PDE4DIP: variants seen among roughly 807,000 people sequenced by gnomAD.
PDE4DIP encodes the protein phosphodiesterase 4D interacting protein.
PDE4DIP carries 59 observed loss-of-function variants against 221.4 expected under a neutral mutation model. That is an observed-to-expected ratio of 0.27 (90% CI 0.22 to 0.33). The LOEUF (loss-of-function observed/expected upper bound fraction) is 0.33, where lower values mean the gene tolerates loss of function less well. PDE4DIP is among the 10% of genes least tolerant of loss of function. PDE4DIP has a pLI of 1.00. For synonymous variants in PDE4DIP, 404 were observed against 815.9 expected, an observed-to-expected ratio of 0.50 and a Z score of 8.60; for missense variants, 1,036 against 2,154.2, an observed-to-expected ratio of 0.48 and a Z score of 10.28.
rs60915698 is a variant in PDE4DIP, at chr1:148,861,654, A to G, written c.234-1596A>G. On this transcript the variant is annotated intron_variant, in intron 1 of 45. Coordinates refer to the PDE4DIP transcript ENST00000524974. ...CTCTGTCTCAAAAAAAAAAAAAAAA[A>G]AGAGAGAAAGAGAGAAGTCCTCTAC... is the stretch of plus-strand genomic sequence containing the variant. Among the ~76,000 whole-genome samples, 9 of 118,920 alleles carry G rather than the reference A, an allele frequency of 7.6e-5. No individual in the cohort carries two copies. In the East Asian group the frequency reaches 8.8e-4, roughly 12 times the overall value. The allele number at this position is 118,920 out of a possible 152,430, so 78.0% of individuals were successfully genotyped here.
chr1:148,961,294 A>G (rs1217969892), intron 6 of PDE4DIP, among the ~76,000 whole-genome samples: 4 of 152,200 alleles, frequency 2.6e-5, no homozygotes, highest in African/African-American at 7.2e-5. Context: ...GGCAACAGAG[A>G]GAGACTCTGT....
chr1:148,889,217 G>T (rs587681142), upstream of PDE4DIP, among the ~76,000 whole-genome samples: 295 of 151,696 alleles, frequency 1.9e-3, 4 homozygotes, highest in African/African-American at 6.6e-3. Flanking sequence ...CTTATTTCTT[G>T]CTTCTGGCCA....
intron 30 of PDE4DIP, 63 bp downstream of exon 33, chr1:149,009,854 G>C: frequency 8.5e-7 from 1 of 1,178,056 alleles, no homozygotes; most frequent in Non-Finnish European, 1.3e-6. Flanking sequence ...TCAGGAAACA[G>C]GGCTTATAGC....
chr1:148,985,839 T>C (rs1200842292), intron 21 of PDE4DIP: 5 of 152,154 alleles, frequency 3.3e-5, no homozygotes, highest in African/African-American at 1.2e-4. Context: ...TAAAATAATA[T>C]GGAGAATAGG....
intron 1 of PDE4DIP, chr1:148,844,536 G>A: frequency 9.6e-6 from 1 of 103,672 alleles, no homozygotes. Context: ...GCCTCCTACT[G>A]AGAACAGTCC....
chr1:148,934,614 T>A (rs2048787253), intron 4 of PDE4DIP, among the ~76,000 whole-genome samples: 1 of 152,154 alleles, frequency 6.6e-6, no homozygotes, highest in Non-Finnish European at 1.5e-5. Context: ...TGTTTTTGCT[T>A]TTGTTTTGAG....
At chr1:148,977,655 T>C (rs1403311204) in intron 17 of PDE4DIP, among the ~76,000 whole-genome samples, 1 of 152,208 alleles carries the variant, frequency 6.6e-6, no homozygotes, top group East Asian at 1.9e-4. Context: ...CTTCTGCTAA[T>C]GGTAACCATT....
At chr1:149,000,409 G>T (rs1310881368) in intron 23 of PDE4DIP, among the ~76,000 whole-genome samples, 2 of 152,038 alleles carry the variant, frequency 1.3e-5, no homozygotes, top group Non-Finnish European at 2.9e-5. Flanking sequence ...ACAAAAGTTA[G>T]CTGGGCGTGG....
At chr1:148,948,400 A>G (rs1278941124) in intron 5 of PDE4DIP, among the ~76,000 whole-genome samples, 1 of 150,438 alleles carries the variant, frequency 6.6e-6, no homozygotes, top group African/African-American at 2.4e-5. Flanking sequence ...GGAACCCGGG[A>G]GGCAGAGGTT....
chr1:148,954,012 A>G (rs1406538605), intron 5 of PDE4DIP: 4 of 709,250 alleles, frequency 5.6e-6, no homozygotes, highest in African/African-American at 5.4e-5. Context: ...ACTTGAGAAA[A>G]TTAGTCATGA....
In PDE4DIP at chr1:149,001,672, C is replaced by T. The variant is rs782083975; in HGVS notation, c.3219C>T (p.Ile1073=). 8.7e-6 allele frequency: 14 copies of T among 1,612,906 alleles called. No homozygotes were observed. In the South Asian group the frequency reaches 1.1e-4, roughly 13 times the overall value. Reference sequence around the variant, plus strand: ...AAGCAATGTCTGATGGATGGGAGATCGAGGAAGACAAGGAGAAGGGCGAGG... The same window carrying T: ...AAGCAATGTCTGATGGATGGGAGATTGAGGAAGACAAGGAGAAGGGCGAGG... The change falls in exon 24 of 44, where the codon ATC becomes ATT. Residue 1073 remains isoleucine, a synonymous_variant. Coordinates refer to ENST00000369354, the Ensembl canonical transcript of PDE4DIP.
chr1:148,828,745 TG>T (rs1553367047), intron 1 of PDE4DIP, among the ~76,000 whole-genome samples: 3 of 149,058 alleles, frequency 2.0e-5, no homozygotes, highest in African/African-American at 4.9e-5. Context: ...AGATAAATAG[TG>T]GGTGTTGAAA....
Position 148,937,046 on chromosome 1 carries a change from C to T in PDE4DIP, c.519-701C>T, listed in dbSNP as rs587603810. On this transcript the variant is annotated intron_variant, in intron 4 of 43. Transcript: ENST00000369354. ...TTATTATCAAGTATTACATACTATA[C>T]ATATGTTATATTTGTATACAACTGC... Among the ~76,000 whole-genome samples, 136 of 152,324 alleles carry T rather than the reference C, an allele frequency of 8.9e-4. 3 individuals carry two copies. In the South Asian group the frequency reaches 0.017, roughly 19 times the overall value.
chr1:149,020,748 C>T (rs2072511169), intron 36 of PDE4DIP: 1 of 436,238 alleles, frequency 2.3e-6, no homozygotes, highest in Non-Finnish European at 4.1e-6. Context: ...ACTGTAGGAA[C>T]AGTAAGGAGA....
Position 148,972,694 on chromosome 1 carries a change from C to T in PDE4DIP, c.2227+102C>T, listed in dbSNP as rs2059435932. ...GTTTGGCCAAGACTCTTTTCTCTTC[C>T]TACCTTAATAGAACAAATAAGTTTG... On this transcript the variant is annotated intron_variant, in intron 16 of 43. Transcript: ENST00000369354. The T allele has an allele frequency of 5.9e-6, 3 of 507,566 alleles. No homozygotes were observed. In the South Asian group the frequency reaches 8.1e-5, roughly 14 times the overall value. 31.4% of individuals were successfully genotyped at this position (507,566 alleles called of 1,614,324 possible).
At chr1:149,005,159 C>G (rs1553593425) in exon 27 of PDE4DIP, 1 of 1,614,024 alleles carries the variant, frequency 6.2e-7, no homozygotes, top group African/African-American at 1.3e-5. Context: ...AGAGCCGGGT[C>G]CGGTCCCTCT....
chr1:148,939,981 C>T lies in PDE4DIP; in HGVS notation c.636+2117C>T. Among the ~76,000 whole-genome samples, 6 of 150,150 alleles carry T rather than the reference C, an allele frequency of 4.0e-5. 1 individual carries two copies. In the East Asian group the frequency reaches 1.2e-3, roughly 29 times the overall value. On this transcript the variant is annotated intron_variant, in intron 5 of 43. Coordinates refer to ENST00000369354, the Ensembl canonical transcript of PDE4DIP. The stretch of plus-strand genomic sequence containing the variant: ...AATTTTATTTCATTCTATTTTAGTT[C>T]AGAATTTACATGAATATTATTTCTT...
chr1:148,985,514 C>T (rs1261335244), intron 21 of PDE4DIP: 1 of 152,120 alleles, frequency 6.6e-6, no homozygotes. Flanking sequence ...GAAGGTAAGT[C>T]TTCAACTTCT....
chr1:148,985,562 A>G (rs1385620725), intron 21 of PDE4DIP: 2 of 152,168 alleles, frequency 1.3e-5, no homozygotes, highest in African/African-American at 2.4e-5. Context: ...TTTTCTAAAT[A>G]AAAAATAGCT....
Sources: allele counts gnomAD v4.1 joint callset (sites outside exome capture counted in the v4.1 genomes callset), GRCh38; gene constraint gnomAD v4.1.1; transcripts MANE v1.5; gene names NCBI Gene and HGNC (gene_info 2026-07-23, HGNC 2026-07-21).